Variants in CAP2 observed in about 807,000 individuals in gnomAD.
CAP2 encodes the protein cyclase associated actin cytoskeleton regulatory protein 2.
In CAP2, 24 loss-of-function variants were observed where a neutral mutation model predicts 57.7. The observed-to-expected ratio is 0.42, with a 90% CI of 0.30 to 0.58. The LOEUF (loss-of-function observed/expected upper bound fraction) is 0.58. CAP2 is among the 20% of genes least tolerant of loss of function. The pLI, the probability that CAP2 is intolerant of heterozygous loss-of-function variation, is 0.22. For synonymous variants in CAP2, 194 were observed against 207.2 expected, an observed-to-expected ratio of 0.94 and a Z score of 0.55; for missense variants, 501 against 590.3, an observed-to-expected ratio of 0.85 and a Z score of 1.57.
intron 3 of CAP2, among the ~76,000 whole-genome samples, chr6:17,449,957 G>T (rs938249654): frequency 6.6e-6 from 1 of 152,036 alleles, no homozygotes; most frequent in African/African-American, 2.4e-5. Context: ...GACATTGATT[G>T]TTTAAAAATA....
intron 3 of CAP2, among the ~76,000 whole-genome samples, chr6:17,445,392 C>T (rs1017799764): frequency 2.0e-5 from 3 of 152,210 alleles, no homozygotes; most frequent in African/African-American, 7.2e-5. Flanking sequence ...TAGGCGTGAG[C>T]CACCACGCCT....
chr6:17,510,604 A>G (rs1762119944), intron 6 of CAP2, among the ~76,000 whole-genome samples: 1 of 152,206 alleles, frequency 6.6e-6, no homozygotes, highest in Non-Finnish European at 1.5e-5. Flanking sequence ...TGTATTAGAG[A>G]CTTTAGAACT....
chr6:17,465,629 G>T (rs576943172), intron 4 of CAP2, among the ~76,000 whole-genome samples: 42 of 152,274 alleles, frequency 2.8e-4, no homozygotes, highest in Admixed American at 1.0e-3. Flanking sequence ...GTCCACTCCA[G>T]TGGGGATGGT....
intron 7 of CAP2, among the ~76,000 whole-genome samples, chr6:17,515,154 G>C (rs887333908): frequency 2.6e-5 from 4 of 151,394 alleles, no homozygotes; most frequent in Non-Finnish European, 5.9e-5. Flanking sequence ...CCAAGATAGT[G>C]CCACTGTACT....
chr6:17,543,624 CAAAAAAAAAAA>C, intron 11 of CAP2, among the ~76,000 whole-genome samples: 1 of 83,918 alleles, frequency 1.2e-5, no homozygotes, highest in Non-Finnish European at 2.3e-5. Context: ...GACTCCATCT[CAAAAAAAAAAA>C]AAAAAAAAAA....
At chr6:17,539,141 C>T (rs1419284935) in intron 7 of CAP2, 128 bp from the exon 8 acceptor site, 1 of 800,596 alleles carries the variant, frequency 1.2e-6, no homozygotes, top group East Asian at 2.5e-5. Flanking sequence ...CAGGTGTGCC[C>T]TCTGGGAGCC....
chr6:17,515,242 T>G (rs1762249232), intron 7 of CAP2, among the ~76,000 whole-genome samples: 1 of 151,204 alleles, frequency 6.6e-6, no homozygotes, highest in African/African-American at 2.4e-5. Flanking sequence ...AACAAGAAGG[T>G]TTGAAGACAG....
chr6:17,554,882 T>C (rs967720438), intron 12 of CAP2, among the ~76,000 whole-genome samples: 1 of 152,210 alleles, frequency 6.6e-6, no homozygotes, highest in Non-Finnish European at 1.5e-5. Context: ...GAAAGCAGAG[T>C]GTTGACTTAG....
intron 4 of CAP2, among the ~76,000 whole-genome samples, chr6:17,479,527 G>A (rs1761234459): frequency 1.3e-5 from 2 of 151,672 alleles, no homozygotes; most frequent in African/African-American, 4.8e-5. Flanking sequence ...AGGAAAAGAG[G>A]CAAGGAGGAA....
At chr6:17,510,367 A>T (rs1017086417) in intron 6 of CAP2, among the ~76,000 whole-genome samples, 1 of 152,226 alleles carries the variant, frequency 6.6e-6, no homozygotes, top group Non-Finnish European at 1.5e-5. Flanking sequence ...AAGAAAAACA[A>T]ACAGCCATTG....
rs115852100 is a variant in CAP2 at position 17,548,783 on chromosome 6, G to A, written c.1210-2681G>A. On this transcript the variant is annotated intron_variant, in intron 11 of 12. Transcript: ENST00000229922. Reference sequence around the variant, plus strand: ...AAACAGATAAATGAAGCAGACTAGCGAGCCCTGAAATCAATAGATGCATAG... The same window carrying A: ...AAACAGATAAATGAAGCAGACTAGCAAGCCCTGAAATCAATAGATGCATAG... Among the ~76,000 whole-genome samples, 640 of 152,258 alleles carry A rather than the reference G, an allele frequency of 4.2e-3. 4 individuals are homozygous for A. Among genetic ancestry groups the A allele is most frequent in the African/African-American group, 0.014 (601 of 41,548 alleles).
chr6:17,436,047 T>G (rs1759871986), intron 3 of CAP2, among the ~76,000 whole-genome samples: 1 of 151,992 alleles, frequency 6.6e-6, no homozygotes, highest in African/African-American at 2.4e-5. Flanking sequence ...CTCTTAATCT[T>G]GGCATGGTTA....
chr6:17,444,385 T>C (rs186151859), intron 3 of CAP2, among the ~76,000 whole-genome samples: 373 of 152,206 alleles, frequency 2.5e-3, no homozygotes, highest in Non-Finnish European at 4.1e-3. Flanking sequence ...ACGCCTGTAA[T>C]CCCAGCATTT....
chr6:17,494,459 C>T (rs897597189), intron 4 of CAP2, among the ~76,000 whole-genome samples: 3 of 152,096 alleles, frequency 2.0e-5, no homozygotes, highest in Non-Finnish European at 4.4e-5. Flanking sequence ...AGCCCTTCCT[C>T]CAGATGTCTA....
chr6:17,465,622 C>T (rs1037468061), intron 4 of CAP2, among the ~76,000 whole-genome samples: 10 of 152,106 alleles, frequency 6.6e-5, no homozygotes, highest in African/African-American at 2.2e-4. Context: ...AACCCCTGTC[C>T]ACTCCAGTGG....
intron 4 of CAP2, among the ~76,000 whole-genome samples, chr6:17,474,866 G>A (rs1193864794): frequency 6.6e-6 from 1 of 152,046 alleles, no homozygotes; most frequent in Admixed American, 6.6e-5. Context: ...GAGAAGAGAG[G>A]CTCGGGTTCC....
At chr6:17,396,123 C>A (rs1482412913) in intron 1 of CAP2, among the ~76,000 whole-genome samples, 1 of 152,122 alleles carries the variant, frequency 6.6e-6, no homozygotes, top group Non-Finnish European at 1.5e-5. Flanking sequence ...TACTCACTAG[C>A]ATGGCTATAA....
chr6:17,419,125 T>C (rs879314911), intron 1 of CAP2, among the ~76,000 whole-genome samples: 25 of 152,202 alleles, frequency 1.6e-4, no homozygotes, highest in African/African-American at 4.3e-4. Flanking sequence ...TACAGAGCTA[T>C]ACAAGTTTTG....
At chr6:17,495,668 G>A (rs1039018094) in intron 4 of CAP2, among the ~76,000 whole-genome samples, 5 of 152,120 alleles carry the variant, frequency 3.3e-5, no homozygotes, top group African/African-American at 4.8e-5. Context: ...CCCCTTGGAC[G>A]ACAAAGAAGC....
Sources: gnomAD v4.1 joint callset for allele counts (sites outside exome capture counted in the v4.1 genomes callset) on GRCh38, gnomAD v4.1.1 for gene constraint, MANE v1.5 for transcripts, NCBI Gene and HGNC (gene_info 2026-07-23, HGNC 2026-07-21) for gene names.